Variants in MAST4 observed in about 807,000 individuals in gnomAD.
The protein encoded by MAST4 is microtubule associated serine/threonine kinase family member 4.
A neutral mutation model predicts 162.7 loss-of-function variants in MAST4; 89 were observed. That is an observed-to-expected ratio of 0.55 (90% CI 0.46 to 0.65). MAST4 has a LOEUF of 0.65. MAST4 is among the 30% of genes least tolerant of loss of function. The probability of loss-of-function intolerance (pLI) is 0.00; values close to 1 mark genes in which losing one functional copy is unlikely to be tolerated. For synonymous variants in MAST4, 1,479 were observed against 1,361.1 expected, an observed-to-expected ratio of 1.09 and a Z score of -1.91; for missense variants, 3,153 against 3,374.0, an observed-to-expected ratio of 0.93 and a Z score of 1.62.
chr5:67,076,415 T>C (rs1289866773), intron 5 of MAST4, among the ~76,000 whole-genome samples: 1 of 151,796 alleles, frequency 6.6e-6, no homozygotes, highest in Non-Finnish European at 1.5e-5. Context: ...TAATAGTCTC[T>C]CCATCTGATT....
intron 4 of MAST4, among the ~76,000 whole-genome samples, chr5:66,967,427 C>G (rs1281680035): frequency 6.6e-6 from 1 of 152,060 alleles, no homozygotes; most frequent in East Asian, 1.9e-4. Flanking sequence ...ATAGGACTTA[C>G]GTTTTGTTTA....
At chr5:67,102,466 T>TG in intron 8 of MAST4, 70 bp from the exon 9 acceptor site, 1 of 1,385,210 alleles carries the variant, frequency 7.2e-7, no homozygotes, top group South Asian at 1.2e-5. Flanking sequence ...AACTGACTGT[T>TG]TATAAATAAA....
At chr5:66,879,020 C>G (rs1303077034) in intron 3 of MAST4, among the ~76,000 whole-genome samples, 3 of 152,270 alleles carry the variant, frequency 2.0e-5, no homozygotes, top group Non-Finnish European at 2.9e-5. Flanking sequence ...TGGCTCACGC[C>G]TGTAATCCCA....
intron 1 of MAST4, among the ~76,000 whole-genome samples, chr5:66,665,246 A>T (rs931666786): frequency 6.6e-6 from 1 of 152,220 alleles, no homozygotes; most frequent in Non-Finnish European, 1.5e-5. Context: ...GTATTAGAGC[A>T]TGCTTATATG....
At chr5:67,020,436 T>C (rs1753830703) in intron 4 of MAST4, among the ~76,000 whole-genome samples, 1 of 152,232 alleles carries the variant, frequency 6.6e-6, no homozygotes, top group Non-Finnish European at 1.5e-5. Context: ...ATGAAGGAAT[T>C]TACCACTGAC....
chr5:66,750,147 CTT>C (rs1320301620), intron 1 of MAST4, among the ~76,000 whole-genome samples: 2 of 152,120 alleles, frequency 1.3e-5, no homozygotes, highest in Non-Finnish European at 2.9e-5. Context: ...AGTCTCTTCT[CTT>C]TTTTTAAGCA....
rs144837160 is a variant in MAST4 at position 66,946,278 on chromosome 5, G to C, written c.674+46296G>C. Reference sequence around the variant, plus strand: ...GTTTTATTTTTCTTTAACTCTTTTTGTTGCTTTGGTCTCTATTTTTATATC... The same window carrying C: ...GTTTTATTTTTCTTTAACTCTTTTTCTTGCTTTGGTCTCTATTTTTATATC... On this transcript the variant is annotated intron_variant, in intron 4 of 28. Coordinates refer to ENST00000403625, the MANE Select transcript of MAST4 (RefSeq NM_001164664.2). Among the ~76,000 whole-genome samples, 491 of 152,198 alleles carry C rather than the reference G, an allele frequency of 3.2e-3. 2 individuals carry two copies. Among genetic ancestry groups the C allele is most frequent in the Non-Finnish European group, 5.0e-3 (340 of 67,988 alleles).
chr5:66,733,442 T>C (rs755546680), intron 1 of MAST4, among the ~76,000 whole-genome samples: 17 of 152,124 alleles, frequency 1.1e-4, no homozygotes, highest in Non-Finnish European at 2.9e-5. Context: ...ATTCTGTAGG[T>C]TGGAACCCAT....
rs895904191 is a variant in MAST4, at chr5:66,951,155, T to A, written c.674+51173T>A. On this transcript the variant is annotated intron_variant, in intron 4 of 28. Coordinates refer to ENST00000403625, the MANE Select transcript of MAST4 (RefSeq NM_001164664.2). ...AGGTTCTGTAGCTTTGTTATTTTCTTATGGAAAGGAAAGCATTAAATCGAA... is the reference window on the plus strand; with the variant it reads ...AGGTTCTGTAGCTTTGTTATTTTCTAATGGAAAGGAAAGCATTAAATCGAA... 3.9e-5 allele frequency among the ~76,000 whole-genome samples: 6 copies of A among 152,354 alleles called. No homozygotes were observed. In the East Asian group the frequency reaches 1.2e-3, roughly 29 times the overall value.
intron 5 of MAST4, among the ~76,000 whole-genome samples, chr5:67,078,853 T>G (rs1182140367): frequency 8.3e-6 from 1 of 119,946 alleles, no homozygotes; most frequent in Non-Finnish European, 1.6e-5. Flanking sequence ...TATATTTATA[T>G]ATTTATATAA....
At chr5:67,020,393 A>T (rs932687607) in intron 4 of MAST4, among the ~76,000 whole-genome samples, 8 of 152,120 alleles carry the variant, frequency 5.3e-5, no homozygotes, top group Admixed American at 2.0e-4. Flanking sequence ...CTGCCACATT[A>T]TCATACAGAA....
intron 5 of MAST4, among the ~76,000 whole-genome samples, chr5:67,080,050 C>T (rs1762421719): frequency 6.6e-6 from 1 of 152,206 alleles, no homozygotes; most frequent in Admixed American, 6.5e-5. Context: ...CAAAATAATT[C>T]ACCATTTCTA....
intron 1 of MAST4, among the ~76,000 whole-genome samples, chr5:66,743,618 C>T (rs1752590403): frequency 6.6e-6 from 1 of 151,978 alleles, no homozygotes; most frequent in Non-Finnish European, 1.5e-5. Context: ...ACAGGGTGGC[C>T]CCCAGACCTG....
Position 67,116,592 on chromosome 5 carries a change from G to T in MAST4, c.1592-2090G>T, listed in dbSNP as rs947126914. On this transcript the variant is annotated intron_variant, in intron 12 of 28. Transcript: ENST00000403625. ...TAAACAAATTGCACCGCGCTGAGTG[G>T]ATCACCTGAGGTCAGGAGTTCGAGA... Among the ~76,000 whole-genome samples the T allele has an allele frequency of 4.0e-5, 6 of 151,236 alleles. No homozygotes were observed. In the East Asian group the frequency reaches 1.2e-3, roughly 30 times the overall value.
At chr5:66,607,135 G>C (rs1381646824) in intron 1 of MAST4, among the ~76,000 whole-genome samples, 2 of 152,162 alleles carry the variant, frequency 1.3e-5, no homozygotes, top group African/African-American at 4.8e-5. Context: ...CAGGTTTGAG[G>C]AGATCATCAA....
chr5:67,054,097 C>G (rs1451020253), intron 4 of MAST4, among the ~76,000 whole-genome samples: 1 of 152,104 alleles, frequency 6.6e-6, no homozygotes, highest in Non-Finnish European at 1.5e-5. Flanking sequence ...TGATTTGAAT[C>G]CTTAATTTAT....
At chr5:66,877,362 T>C (rs535304427) in intron 3 of MAST4, among the ~76,000 whole-genome samples, 1 of 152,322 alleles carries the variant, frequency 6.6e-6, no homozygotes, top group East Asian at 1.9e-4. Flanking sequence ...ACCACTTTCA[T>C]CTGTACAGCA....
intron 4 of MAST4, among the ~76,000 whole-genome samples, chr5:66,981,808 G>A (rs1242526669): frequency 6.6e-6 from 1 of 152,138 alleles, no homozygotes; most frequent in Non-Finnish European, 1.5e-5. Context: ...TGCTTCTGGA[G>A]GAGCATTAAA....
chr5:66,652,385 G>A (rs4560500), intron 1 of MAST4, among the ~76,000 whole-genome samples: 19,430 of 152,180 alleles, frequency 0.13, 1,687 homozygotes, highest in East Asian at 0.43. Context: ...TACAAAAAGA[G>A]ATGGTACAAA....
Sources: gnomAD v4.1 joint callset for allele counts (sites outside exome capture counted in the v4.1 genomes callset) on GRCh38, gnomAD v4.1.1 for gene constraint, MANE v1.5 for transcripts, NCBI Gene and HGNC (gene_info 2026-07-23, HGNC 2026-07-21) for gene names.